The following FES variants were observed in gnomAD, a reference collection of about 807,000 sequenced individuals.
FES encodes tyrosine-protein kinase Fes/Fps.
In FES, 83 loss-of-function variants were observed where a neutral mutation model predicts 109.6. The ratio of observed to expected loss-of-function variants is 0.76; its 90% confidence interval spans 0.63 to 0.91. FES has a LOEUF of 0.91. FES is among the 40% of genes least tolerant of loss of function. The pLI is 0.00. For synonymous variants in FES, 458 were observed against 442.1 expected (o/e 1.04, Z -0.45); for missense variants, 943 against 1,070.9 (o/e 0.88, Z 1.67).
At chr15:90,885,350 G>A in intron 2 of FES, 62 bp from the exon 3 acceptor site, 1 of 1,595,958 alleles carries the variant, frequency 6.3e-7, no homozygotes, top group Non-Finnish European at 8.5e-7. Context: ...TGGAGATCTG[G>A]CAGGCCAATG....
chr15:90,892,400 A>C, intron 13 of FES: 1 of 584,012 alleles, frequency 1.7e-6, no homozygotes, highest in East Asian at 2.8e-5. Context: ...ACTGTAAGCC[A>C]TAAGATACCT....
rs1471185148 is a variant in FES, at chr15:90,889,819, C to T, written c.927-21C>T. The T allele has an allele frequency of 6.2e-7, 1 of 1,613,386 alleles. No individual in the cohort carries two copies. The highest frequency in any genetic ancestry group is 2.2e-5 in the East Asian group (1 of 44,842). On this transcript the variant is annotated intron_variant, in intron 7 of 18. Coordinates refer to ENST00000328850, the MANE Select transcript of FES (RefSeq NM_002005.4). The surrounding 1 kb of genome is among the most constrained non-coding windows in gnomAD (Gnocchi z 6.1). Reference sequence around the variant, plus strand: ...GGGGCAGGAGGGCTCGGTTCTAATGCTGCCCTTCTCTTGGGTGCAGGCTGA... The same window carrying T: ...GGGGCAGGAGGGCTCGGTTCTAATGTTGCCCTTCTCTTGGGTGCAGGCTGA...
intron 18 of FES, 113 bp from the exon 19 acceptor site, chr15:90,895,303 C>T (rs2033609464): frequency 1.1e-6 from 1 of 909,264 alleles, no homozygotes; most frequent in Non-Finnish European, 1.5e-6. Context: ...AACAGTGCAT[C>T]CTTCAGAACA....
chr15:90,891,399 G>T, intron 11 of FES, 155 bp from the exon 12 acceptor site: 1 of 1,130,360 alleles, frequency 8.8e-7, no homozygotes, highest in East Asian at 2.4e-5. Context: ...GGGGCAGCAG[G>T]ATGTCATGTG....
chr15:90,892,088 G>T lies in FES; in HGVS notation c.1684G>T (p.Val562Leu). Residue 562 changes from valine to leucine, a missense_variant, in exon 13 of 19, where the codon GTG becomes TTG. Coordinates refer to ENST00000328850, the MANE Select transcript of FES (RefSeq NM_002005.4). ...GTGGGTGCTGAACCATGAGGACCTG[G>T]TGTTGGGTGAGCAGATTGGACGGGT... is the stretch of plus-strand genomic sequence containing the variant. Reference protein sequence around the residue: ...DKWVLNHEDLVLGEQIGRGNF... With the variant: ...DKWVLNHEDLLLGEQIGRGNF... 1 of 1,614,114 alleles carries T rather than the reference G, an allele frequency of 6.2e-7. No homozygotes were observed. The highest frequency in any genetic ancestry group is 8.5e-7 in the Non-Finnish European group (1 of 1,179,982).
chr15:90,887,075 C>G lies in FES; in HGVS notation c.484+18C>G, dbSNP rs758396891. ...CAGCAAAGGTTCGTGGCTTCCCTTGCTGGCAGGGAGGGAATCCGAAGCCAG... is the reference window on the plus strand; with the variant it reads ...CAGCAAAGGTTCGTGGCTTCCCTTGGTGGCAGGGAGGGAATCCGAAGCCAG... On this transcript the variant is annotated intron_variant, in intron 4 of 18. Coordinates refer to ENST00000328850, the MANE Select transcript of FES (RefSeq NM_002005.4). The G allele has an allele frequency of 5.6e-6, 9 of 1,613,834 alleles. No homozygotes were observed. The highest frequency in any genetic ancestry group is 7.6e-6 in the Non-Finnish European group (9 of 1,179,908).
chr15:90,894,348 G>A (rs1345895007), intron 18 of FES, among the ~76,000 whole-genome samples: 1 of 152,174 alleles, frequency 6.6e-6, no homozygotes, highest in Non-Finnish European at 1.5e-5. Flanking sequence ...ACTTTGGGAG[G>A]CCGAGGCAGG....
intron 3 of FES, 104 bp downstream of exon 3, chr15:90,885,689 C>G: frequency 6.8e-7 from 1 of 1,474,964 alleles, no homozygotes; most frequent in Non-Finnish European, 9.0e-7. Flanking sequence ...AAGTGTAAGT[C>G]CCTGACCGCA....
rs765660804 is a variant in FES, at chr15:90,892,159, G to T, written c.1707+48G>T. ...CCTTGTCGCTGGCGACTTCTCCTGAGTCGCGCCTGGGCCCCCTGCCCTACC... is the reference window on the plus strand; with the variant it reads ...CCTTGTCGCTGGCGACTTCTCCTGATTCGCGCCTGGGCCCCCTGCCCTACC... On this transcript the variant is annotated intron_variant, in intron 13 of 18. Transcript: ENST00000328850. The T allele has an allele frequency of 2.5e-6, 4 of 1,609,314 alleles. No homozygotes were observed. In the African/African-American group the frequency reaches 5.3e-5, roughly 22 times the overall value.
chr15:90,885,111 C>T lies in FES; in HGVS notation c.66C>T (p.Ala22=), dbSNP rs369727348. 4.8e-5 allele frequency: 78 copies of T among 1,613,864 alleles called. 1 individual carries two copies. The East Asian group carries it at 7.8e-4, about 16-fold the overall frequency. The part of the protein sequence containing the change: ...GHGVLQQMQE[A]ELRLLEGMRK... ...GGGTCCTGCAGCAAATGCAGGAGGC[C>T]GAGCTTCGTCTACTGGAGGGCATGA... Residue 22 remains alanine, a synonymous_variant, in exon 2 of 19, where the codon GCC becomes GCT. Transcript: ENST00000328850.
chr15:90,889,967 G>C lies in FES; in HGVS notation c.1049+5G>C. 1 of 1,612,704 alleles carries C rather than the reference G, an allele frequency of 6.2e-7. No homozygotes were observed. The highest frequency in any genetic ancestry group is 8.5e-7 in the Non-Finnish European group (1 of 1,179,854). On this transcript the variant is annotated splice_donor_5th_base_variant and intron_variant, in intron 8 of 18. Transcript: ENST00000328850. This position sits in a 1 kb window ranked among gnomAD's most constrained non-coding sequence, Gnocchi z 6.1. Reference sequence around the variant, plus strand: ...GAACACCCACCCCCGGGAGCGGTGAGTGGGCCCCTGCCTGCAGCAGCCTCC... The same window carrying C: ...GAACACCCACCCCCGGGAGCGGTGACTGGGCCCCTGCCTGCAGCAGCCTCC...
intron 11 of FES, 138 bp downstream of exon 11, chr15:90,891,329 C>A: frequency 8.8e-7 from 1 of 1,142,074 alleles, no homozygotes; most frequent in Non-Finnish European, 1.2e-6. Flanking sequence ...TGGAAGGGGC[C>A]ACAGAGACCA....
At position 90,889,523 on chromosome 15, in the gene FES, A is replaced by G. The variant is rs1215997137; in HGVS notation, c.813A>G (p.Ala271=). The G allele has an allele frequency of 6.2e-7, 1 of 1,613,586 alleles. No individual in the cohort carries two copies. The highest frequency in any genetic ancestry group is 8.5e-7 in the Non-Finnish European group (1 of 1,179,986). The change falls in exon 7 of 19, where the codon GCA becomes GCG. Residue 271 remains alanine (A), a synonymous_variant. Coordinates refer to ENST00000328850, the MANE Select transcript of FES (RefSeq NM_002005.4). This position sits in a 1 kb window ranked among gnomAD's most constrained non-coding sequence, Gnocchi z 6.1. The part of the protein sequence containing the change: ...YQGFLRQYGS[A]PDVPPCVTFD... ...GGGGCGCTGTCCCCCACAGGTCCGCACCTGACGTCCCACCCTGTGTCACGT... is the reference window on the plus strand; with the variant it reads ...GGGGCGCTGTCCCCCACAGGTCCGCGCCTGACGTCCCACCCTGTGTCACGT...
At position 90,893,917 on chromosome 15, in the gene FES, C is replaced by G. The variant is rs971665778; in HGVS notation, c.2204-19C>G. The G allele has an allele frequency of 6.2e-6, 10 of 1,613,178 alleles. No homozygotes were observed. In the African/African-American group the frequency reaches 1.2e-4, roughly 19 times the overall value. On this transcript the variant is annotated intron_variant, in intron 17 of 18. Transcript: ENST00000328850. Reference sequence around the variant, plus strand: ...GGAGGGTGCACTCACGCTGCCTCACCTCCTCGCCTCCTCTGCAGGCCGCTA... The same window carrying G: ...GGAGGGTGCACTCACGCTGCCTCACGTCCTCGCCTCCTCTGCAGGCCGCTA...
chr15:90,891,309 C>A, intron 11 of FES, 118 bp downstream of exon 11: 1 of 1,296,098 alleles, frequency 7.7e-7, no homozygotes, highest in Non-Finnish European at 1.1e-6. Flanking sequence ...GCCTCCCTAG[C>A]AGGGCTGGCT....
rs2071384 is a variant in FES at position 90,887,387 on chromosome 15, G to A, written c.668+17G>A. 606,158 of 1,592,228 alleles carry A rather than the reference G, an allele frequency of 0.38. 125,535 individuals are homozygous for A. Among genetic ancestry groups the A allele is most frequent in the East Asian group, 0.8 (35,787 of 44,460 alleles). On this transcript the variant is annotated intron_variant, in intron 5 of 18. Coordinates refer to ENST00000328850, the MANE Select transcript of FES (RefSeq NM_002005.4). Reference sequence around the variant, plus strand: ...TTGCATCCTGTAAGCCCGCAGCCCCGTCCCCTGGCCCCCACCCTTGAGCAG... The same window carrying A: ...TTGCATCCTGTAAGCCCGCAGCCCCATCCCCTGGCCCCCACCCTTGAGCAG...
At position 90,893,328 on chromosome 15, in the gene FES, C is replaced by G. The variant is rs761689014; in HGVS notation, c.1959C>G (p.Ala653=). Residue 653 remains alanine (A), a synonymous_variant, in exon 16 of 19, where the codon GCC becomes GCG. Transcript: ENST00000328850. The part of the protein sequence containing the change: ...DFLTFLRTEG[A]RLRVKTLLQM... Reference sequence around the variant, plus strand: ...TGACCTTCCTCCGCACGGAGGGGGCCCGCCTGCGGGTGAAGACTCTGCTGC... The same window carrying G: ...TGACCTTCCTCCGCACGGAGGGGGCGCGCCTGCGGGTGAAGACTCTGCTGC... 3.2e-6 allele frequency: 5 copies of G among 1,578,748 alleles called. No individual in the cohort carries two copies. In the African/African-American group the frequency reaches 6.7e-5, roughly 21 times the overall value.
At chr15:90,888,075 G>T (rs951087651) in intron 5 of FES, among the ~76,000 whole-genome samples, 1 of 152,134 alleles carries the variant, frequency 6.6e-6, no homozygotes, top group Non-Finnish European at 1.5e-5. Flanking sequence ...AACAAGAATG[G>T]CATGATCTGA....
intron 9 of FES, 44 bp downstream of exon 9, chr15:90,890,322 C>T (rs1305692831): frequency 6.3e-7 from 1 of 1,590,078 alleles, no homozygotes; most frequent in Admixed American, 1.7e-5. Flanking sequence ...CCGGCCTGCC[C>T]ACCTGGGGCT....
Sources: gnomAD v4.1 joint callset for allele counts (sites outside exome capture counted in the v4.1 genomes callset) on GRCh38, gnomAD v4.1.1 for gene constraint, Gnocchi (gnomAD v3.1) non-coding constraint, MANE v1.5 for transcripts, NCBI Gene and HGNC (gene_info 2026-07-23, HGNC 2026-07-21) for gene names.